Variants in FHIT observed in about 807,000 individuals in gnomAD.
The protein encoded by FHIT is bis(5'-adenosyl)-triphosphatase.
A neutral mutation model predicts 17.9 loss-of-function variants in FHIT; 19 were observed. The observed-to-expected ratio is 1.06, with a 90% CI of 0.74 to 1.56. FHIT has a LOEUF of 1.56. FHIT is among the 40% of genes most tolerant of loss of function. The pLI is 0.00. For missense variants in FHIT, 248 were observed against 189.2 expected (o/e 1.31, Z -1.82); for synonymous variants, 81 against 69.7 (o/e 1.16, Z -0.81).
At chr3:61,148,620 T>A (rs959568762) in intron 2 of FHIT, among the ~76,000 whole-genome samples, 2 of 152,160 alleles carry the variant, frequency 1.3e-5, no homozygotes, top group African/African-American at 4.8e-5. Flanking sequence ...GACATTTGGA[T>A]TTTCTCAAGT....
chr3:60,651,134 G>A (rs2039981996), intron 4 of FHIT, among the ~76,000 whole-genome samples: 1 of 151,858 alleles, frequency 6.6e-6, no homozygotes, highest in African/African-American at 2.4e-5. Context: ...ATGTCATTTA[G>A]GGTTTTTCTA....
chr3:60,958,220 A>G (rs1709261577), intron 3 of FHIT, among the ~76,000 whole-genome samples: 1 of 152,180 alleles, frequency 6.6e-6, no homozygotes, highest in Non-Finnish European at 1.5e-5. Context: ...TTCTCAATAT[A>G]CCTGTATTGA....
chr3:59,837,101 G>C (rs1384614979), intron 8 of FHIT, among the ~76,000 whole-genome samples: 1 of 152,130 alleles, frequency 6.6e-6, no homozygotes, highest in Non-Finnish European at 1.5e-5. Context: ...TCTTTGTACA[G>C]GCTCCATCTG....
intron 5 of FHIT, among the ~76,000 whole-genome samples, chr3:60,095,632 G>A (rs900032769): frequency 3.3e-5 from 5 of 152,112 alleles, no homozygotes; most frequent in Admixed American, 6.5e-5. Flanking sequence ...GAGGGTGAAG[G>A]GACTGAATCC....
At chr3:61,099,390 T>C (rs1046295031) in intron 2 of FHIT, among the ~76,000 whole-genome samples, 2 of 152,132 alleles carry the variant, frequency 1.3e-5, no homozygotes, top group African/African-American at 2.4e-5. Context: ...TTTTTTGTTG[T>C]ATCTCTGTCA....
At chr3:60,990,876 C>A (rs575171998) in intron 3 of FHIT, among the ~76,000 whole-genome samples, 6 of 152,108 alleles carry the variant, frequency 3.9e-5, no homozygotes, top group African/African-American at 1.4e-4. Context: ...TTACACAGAC[C>A]TTTGAAAACA....
At chr3:60,444,105 A>T (rs1304054984) in intron 5 of FHIT, among the ~76,000 whole-genome samples, 1 of 152,230 alleles carries the variant, frequency 6.6e-6, no homozygotes. Context: ...GCTTATCATC[A>T]CTTGCCATCA....
rs139946950 is a variant in FHIT at position 59,825,971 on chromosome 3, C to A, written c.349-73650G>T. On this transcript the variant is annotated intron_variant, in intron 8 of 9. Transcript: ENST00000492590. ...TAATGTCCCTAAGGCTGCTTTCTTG[C>A]TAAAAATAAGGAATATTGACAGCTG... Among the ~76,000 whole-genome samples, 347 of 152,286 alleles carry A rather than the reference C, an allele frequency of 2.3e-3. 2 individuals carry two copies. Among genetic ancestry groups the A allele is most frequent in the African/African-American group, 7.9e-3 (328 of 41,572 alleles).
chr3:61,246,542 G>T (rs1033981053), intron 1 of FHIT, among the ~76,000 whole-genome samples: 1 of 152,058 alleles, frequency 6.6e-6, no homozygotes, highest in Non-Finnish European at 1.5e-5. Context: ...GCAGGTAACC[G>T]GACTCTGCAT....
chr3:59,986,126 C>A (rs1276218777), intron 7 of FHIT, among the ~76,000 whole-genome samples: 1 of 151,994 alleles, frequency 6.6e-6, no homozygotes, highest in Non-Finnish European at 1.5e-5. Context: ...AATAGCGGTT[C>A]ACACTTTATG....
intron 3 of FHIT, among the ~76,000 whole-genome samples, chr3:60,983,120 G>A (rs781356163): frequency 4.1e-5 from 6 of 145,854 alleles, no homozygotes; most frequent in South Asian, 2.1e-4. Context: ...ATCTCAATCC[G>A]ATTTACCTTC....
chr3:60,097,221 C>A lies in FHIT; in HGVS notation c.104-83069G>T, dbSNP rs113484031. ...TTATCCCCTACAGGTAACTGAACAT[C>A]TTATGGTCTGGGAAATCTACCAGCC... is the stretch of plus-strand genomic sequence containing the variant. On this transcript the variant is annotated intron_variant, in intron 5 of 9. Coordinates refer to ENST00000492590, the MANE Select transcript of FHIT (RefSeq NM_002012.4). 3.3e-5 allele frequency among the ~76,000 whole-genome samples: 5 copies of A among 151,980 alleles called. No individual in the cohort carries two copies. The East Asian group carries it at 9.7e-4, about 30-fold the overall frequency.
At chr3:61,215,147 G>A (rs1034798703) in intron 1 of FHIT, among the ~76,000 whole-genome samples, 2 of 152,096 alleles carry the variant, frequency 1.3e-5, no homozygotes, top group African/African-American at 4.8e-5. Flanking sequence ...AGTGTTGGAA[G>A]TTCTGGCCAG....
At chr3:60,784,085 A>T (rs1700481489) in intron 4 of FHIT, among the ~76,000 whole-genome samples, 3 of 152,072 alleles carry the variant, frequency 2.0e-5, no homozygotes, top group African/African-American at 2.4e-5. Flanking sequence ...TCCTCTGCTC[A>T]TCCATCCAGA....
At chr3:60,029,899 G>GTGTGTGTGTGTGTGTGTC (rs1700923056) in intron 5 of FHIT, among the ~76,000 whole-genome samples, 4 of 123,204 alleles carry the variant, frequency 3.2e-5, no homozygotes, top group Admixed American at 7.7e-5. Context: ...GTGTGTGTCT[G>GTGTGTGTGTGTGTGTGTC]TGTGTGTGTG....
At chr3:60,752,885 T>C (rs1433702626) in intron 4 of FHIT, among the ~76,000 whole-genome samples, 6 of 152,206 alleles carry the variant, frequency 3.9e-5, no homozygotes, top group African/African-American at 1.4e-4. Context: ...CTGTATTATG[T>C]CACTTTAGAA....
At chr3:61,100,435 C>G (rs185274690) in intron 2 of FHIT, among the ~76,000 whole-genome samples, 2 of 152,220 alleles carry the variant, frequency 1.3e-5, no homozygotes, top group African/African-American at 4.8e-5. Flanking sequence ...GTATATGTGC[C>G]ACATTTTCCT....
intron 5 of FHIT, among the ~76,000 whole-genome samples, chr3:60,522,399 T>G (rs1309147561): frequency 6.6e-6 from 1 of 152,202 alleles, no homozygotes; most frequent in Non-Finnish European, 1.5e-5. Flanking sequence ...CATGAGTCAC[T>G]ATGCCCAGCC....
intron 5 of FHIT, among the ~76,000 whole-genome samples, chr3:60,486,359 A>G (rs1208179910): frequency 6.6e-6 from 1 of 152,184 alleles, no homozygotes; most frequent in African/African-American, 2.4e-5. Flanking sequence ...TAGTCATAAA[A>G]TAGAGGATCA....
Sources: gnomAD v4.1 joint callset for allele counts (sites outside exome capture counted in the v4.1 genomes callset) on GRCh38, gnomAD v4.1.1 for gene constraint, MANE v1.5 for transcripts, NCBI Gene and HGNC (gene_info 2026-07-23, HGNC 2026-07-21) for gene names.